The following KRT5 variants were observed in gnomAD, a reference collection of about 807,000 sequenced individuals.
The protein encoded by KRT5 is keratin, type II cytoskeletal 5.
KRT5 carries 17 observed loss-of-function variants against 44.0 expected under a neutral mutation model. That is an observed-to-expected ratio of 0.39 (90% CI 0.26 to 0.58). The LOEUF (loss-of-function observed/expected upper bound fraction) is 0.58, where lower values mean the gene tolerates loss of function less well. Ranked by LOEUF, KRT5 falls within the 20% of genes least tolerant of loss-of-function variation. KRT5 has a pLI of 0.61. For synonymous variants in KRT5, 329 were observed against 312.8 expected (o/e 1.05, Z -0.55); for missense variants, 737 against 785.5 (o/e 0.94, Z 0.74).
At position 52,519,799 on chromosome 12, in the gene KRT5, G is replaced by T. The variant is rs1412617102; in HGVS notation, c.498C>A (p.Thr166=). The T allele has an allele frequency of 6.2e-7, 1 of 1,613,794 alleles. No homozygotes were observed. Among genetic ancestry groups the T allele is most frequent in the Non-Finnish European group, 8.5e-7 (1 of 1,180,012 alleles). ...QIDPSIQRVR[T]EEREQIKTLN... ...GGGTCTTGATCTGCTCGCGCTCCTC[G>T]GTCCTCACCCTCTGGATGCTGGGGT... Residue 166 remains threonine, a synonymous_variant, in exon 1 of 9, where the codon ACC becomes ACA. Coordinates refer to ENST00000252242, the MANE Select transcript of KRT5 (RefSeq NM_000424.4).
At chr12:52,515,599 G>T in intron 8 of KRT5, 199 bp downstream of exon 8, 1 of 660,834 alleles carries the variant, frequency 1.5e-6, no homozygotes. Flanking sequence ...TACCCTTTAA[G>T]AGATGAGACA....
intron 2 of KRT5, chr12:52,518,468 A>G (rs2120482854): frequency 3.3e-6 from 2 of 600,920 alleles, no homozygotes; most frequent in South Asian, 3.0e-5. Context: ...CAATTTCTCT[A>G]GTGTTCTTTT....
rs267607454 is a variant in KRT5 at position 52,515,794 on chromosome 12, T to C, written c.1474+4A>G. On this transcript the variant is annotated splice_donor_region_variant and intron_variant, in intron 8 of 8. Transcript: ENST00000252242. Reference sequence around the variant, plus strand: ...GTTGTTAATGTCTGTTCAAAGCTACTTACAGATGTTGACTGGTCCAACTCC... The same window carrying C: ...GTTGTTAATGTCTGTTCAAAGCTACCTACAGATGTTGACTGGTCCAACTCC... The C allele has an allele frequency of 6.2e-7, 1 of 1,610,776 alleles. No homozygotes were observed. The highest frequency in any genetic ancestry group is 8.5e-7 in the Non-Finnish European group (1 of 1,176,904).
chr12:52,515,441 G>A (rs2120470592), intron 8 of KRT5: 3 of 706,708 alleles, frequency 4.2e-6, no homozygotes, highest in Non-Finnish European at 4.9e-6. Context: ...GGTACTGAGA[G>A]GAGCTAGGTA....
chr12:52,517,484 T>C (rs942162394), intron 5 of KRT5, 106 bp downstream of exon 5: 3 of 1,262,228 alleles, frequency 2.4e-6, no homozygotes, highest in Non-Finnish European at 1.2e-6. Context: ...AGCATCCCAA[T>C]GGGCTTCAGC....
In KRT5 at chr12:52,516,835, A is replaced by G; in HGVS notation, c.1241T>C (p.Ile414Thr). Residue 414 changes from isoleucine to threonine, a missense_variant, in exon 7 of 9, where the codon ATT becomes ACT. By Grantham distance (89) the Ile-to-Thr change is moderately conservative. Coordinates refer to ENST00000252242, the MANE Select transcript of KRT5 (RefSeq NM_000424.4). ...CTCCCCACGCTGCTCGGCATCCGCAATGGCGTTCTGCAGATTGGCGCACTA... is the reference window on the plus strand; with the variant it reads ...CTCCCCACGCTGCTCGGCATCCGCAGTGGCGTTCTGCAGATTGGCGCACTA... ...KKQCANLQNA[I>T]ADAEQRGELA... 1 of 1,614,192 alleles carries G rather than the reference A, an allele frequency of 6.2e-7. No homozygotes were observed. The highest frequency in any genetic ancestry group is 8.5e-7 in the Non-Finnish European group (1 of 1,180,036).
intron 2 of KRT5, 82 bp from the exon 3 acceptor site, chr12:52,518,245 C>T: frequency 1.5e-6 from 2 of 1,364,972 alleles, no homozygotes; most frequent in Non-Finnish European, 2.1e-6. Context: ...AACTGTAAGC[C>T]TACTTTTGCA....
At position 52,519,991 on chromosome 12, in the gene KRT5, A is replaced by T; in HGVS notation, c.306T>A (p.Gly102=). The T allele has an allele frequency of 6.2e-7, 1 of 1,613,216 alleles. No individual in the cohort carries two copies. The highest frequency in any genetic ancestry group is 8.5e-7 in the Non-Finnish European group (1 of 1,179,826). ...CTCCACCGCCGAAACCAAATCCACT[A>T]CCGGCACCACCTCCAAAGCCATAGC... ...GGGYGFGGGA[G]SGFGFGGGAG... The change falls in exon 1 of 9, where the codon GGT becomes GGA. Residue 102 remains glycine, a synonymous_variant. Transcript: ENST00000252242.
At position 52,520,010 on chromosome 12, in the gene KRT5, C is replaced by T. The variant is rs768890570; in HGVS notation, c.287G>A (p.Gly96Asp). 13 of 1,613,970 alleles carry T rather than the reference C, an allele frequency of 8.1e-6. No individual in the cohort carries two copies. Among genetic ancestry groups the T allele is most frequent in the Non-Finnish European group, 1.1e-5 (13 of 1,180,014 alleles). Residue 96 changes from glycine (G) to aspartate (D), a missense_variant, in exon 1 of 9, where the codon GGC (glycine) becomes GAC (aspartate). This residue lies in a region of KRT5 where 326 missense variants were observed against 333.1 expected (regional missense o/e 0.98). Coordinates refer to ENST00000252242, the MANE Select transcript of KRT5 (RefSeq NM_000424.4). Reference sequence around the variant, plus strand: ...TCCACTACCGGCACCACCTCCAAAGCCATAGCCGCCTCCAGCACCAGCACC... The same window carrying T: ...TCCACTACCGGCACCACCTCCAAAGTCATAGCCGCCTCCAGCACCAGCACC... ...RFGAGAGGGY[G>D]FGGGAGSGFG... is the part of the protein sequence containing the mutation.
rs1189534651 is a variant in KRT5, at chr12:52,519,141, T to C, written c.575A>G (p.Gln192Arg). ...CCACTTGGTGTCCAGAACCTTGTTC[T>C]GCTGCTCCAGGAACCGCACCTGGAG... Reference protein sequence around the residue: ...FIDKVRFLEQQNKVLDTKWTL... With the variant: ...FIDKVRFLEQRNKVLDTKWTL... Residue 192 changes from glutamine (Q) to arginine (R), a missense_variant, in exon 2 of 9, where the codon CAG (glutamine) becomes CGG (arginine). Gln to Arg is a conservative substitution (Grantham distance 43). This residue lies in a region of KRT5 where 326 missense variants were observed against 333.1 expected (regional missense o/e 0.98). Transcript: ENST00000252242. 1 of 1,614,190 alleles carries C rather than the reference T, an allele frequency of 6.2e-7. No homozygotes were observed. The highest frequency in any genetic ancestry group is 2.2e-5 in the East Asian group (1 of 44,882).
chr12:52,515,097 C>T lies in KRT5; in HGVS notation c.1618G>A (p.Val540Ile). The change falls in exon 9 of 9, where the codon GTC becomes ATC. Residue 540 changes from valine to isoleucine, a missense_variant. Around this residue, in one of 5 missense-constraint regions of KRT5, gnomAD observed 344 missense variants for 351.6 expected, o/e 0.98. Transcript: ENST00000252242. ...GSYYSSSSGG[V>I]GLGGGLSVGG... ...ACACTGAGCCCACCACCTAGGCCGA[C>T]ACCCCCACTGCTGCTGGAGTAGTAG... is the stretch of plus-strand genomic sequence containing the variant. 1.2e-6 allele frequency: 2 copies of T among 1,612,360 alleles called. No homozygotes were observed. Among genetic ancestry groups the T allele is most frequent in the Non-Finnish European group, 1.7e-6 (2 of 1,179,322 alleles).
chr12:52,514,899 G>C lies in KRT5; in HGVS notation c.*43C>G. Reference sequence around the variant, plus strand: ...TGCCTAGAAGAGGCAATCTCCATGGGCTGGGTTGCTGCACTTGGAAGGCAG... The same window carrying C: ...TGCCTAGAAGAGGCAATCTCCATGGCCTGGGTTGCTGCACTTGGAAGGCAG... On this transcript the variant is annotated 3_prime_UTR_variant, in exon 9 of 9. Coordinates refer to ENST00000252242, the MANE Select transcript of KRT5 (RefSeq NM_000424.4). The C allele has an allele frequency of 6.5e-7, 1 of 1,546,754 alleles. No homozygotes were observed. Among genetic ancestry groups the C allele is most frequent in the Middle Eastern group, 1.8e-4 (1 of 5,506 alleles).
chr12:52,517,186 C>T lies in KRT5; in HGVS notation c.1139G>A (p.Arg380His), dbSNP rs764879342. The change falls in exon 6 of 9, where the codon CGC becomes CAC. Residue 380 changes from arginine to histidine, a missense_variant. Physicochemically the swap from Arg to His is conservative, Grantham distance 29. Coordinates refer to ENST00000252242, the MANE Select transcript of KRT5 (RefSeq NM_000424.4). ...QTAGRHGDDL[R>H]NTKHEISEMN... is the part of the protein sequence containing the mutation. ...CTCAGAGATCTCATGCTTGGTGTTG[C>T]GGAGGTCATCGCCATGCCGGCCAGC... The T allele has an allele frequency of 1.2e-5, 20 of 1,613,824 alleles. No individual in the cohort carries two copies. Among genetic ancestry groups the T allele is most frequent in the African/African-American group, 6.7e-5 (5 of 74,880 alleles).
intron 2 of KRT5, chr12:52,518,366 A>G (rs934699589): frequency 1.3e-5 from 9 of 683,034 alleles, no homozygotes; most frequent in African/African-American, 1.1e-4. Flanking sequence ...ACTGCCTACC[A>G]TATAATAATT....
rs57499817 is a variant in KRT5, at chr12:52,520,223, G to A, written c.74C>T (p.Pro25Leu). Residue 25 changes from proline to leucine, a missense_variant, in exon 1 of 9, where the codon CCG becomes CTG. Transcript: ENST00000252242. ...GGTGAAGCTGGTGCGGGAGACAGAC[G>A]GGGTGATGGCAGAGGCGGTGCTGAA... is the stretch of plus-strand genomic sequence containing the variant. ...RSFSTASAIT[P>L]SVSRTSFTSV... 2.5e-6 allele frequency: 4 copies of A among 1,614,086 alleles called. No individual in the cohort carries two copies. The highest frequency in any genetic ancestry group is 3.4e-6 in the Non-Finnish European group (4 of 1,180,036).
intron 8 of KRT5, 57 bp from the exon 9 acceptor site, chr12:52,515,297 GC>G (rs2120470138): frequency 8.8e-6 from 14 of 1,599,762 alleles, no homozygotes; most frequent in Middle Eastern, 1.7e-4. Flanking sequence ...ATCCTGCATG[GC>G]CCATTTATTT....
chr12:52,516,997 G>T (rs1938621923), intron 6 of KRT5, 110 bp downstream of exon 6: 2 of 1,500,776 alleles, frequency 1.3e-6, no homozygotes, highest in Non-Finnish European at 1.9e-6. Context: ...TGAAACACTG[G>T]TACTGGATCT....
Position 52,519,014 on chromosome 12 carries a change from C to G in KRT5, c.702G>C (p.Val234=), listed in dbSNP as rs149863112. Residue 234 remains valine, a synonymous_variant, in exon 2 of 9, where the codon GTG becomes GTC. Coordinates refer to ENST00000252242, the MANE Select transcript of KRT5 (RefSeq NM_000424.4). ...NNLRRQLDSI[V]GERGRLDSEL... ...CTGAGTCCAGGCGGCCCCGTTCCCC[C>G]ACGATGCTGTCCAGCTGCCTCCTGA... 37 of 1,614,070 alleles carry G rather than the reference C, an allele frequency of 2.3e-5. No homozygotes were observed. Among genetic ancestry groups the G allele is most frequent in the African/African-American group, 1.7e-4 (13 of 74,936 alleles).
intron 8 of KRT5, 125 bp from the exon 9 acceptor site, chr12:52,515,365 C>G: frequency 7.4e-7 from 1 of 1,344,420 alleles, no homozygotes; most frequent in Non-Finnish European, 1.1e-6. Flanking sequence ...GCAAACAAGG[C>G]CCGGAAGAAC....
Sources: gnomAD v4.1 joint callset for allele counts on GRCh38, gnomAD v4.1.1 for gene constraint, gnomAD v4.1.1 regional missense constraint, MANE v1.5 for transcripts, NCBI Gene and HGNC (gene_info 2026-07-23, HGNC 2026-07-21) for gene names.